Variants in TRPM5 observed in about 807,000 individuals in gnomAD.
TRPM5 encodes the protein MLSN1 and TRP-related.
In TRPM5, 121 loss-of-function variants were observed where a neutral mutation model predicts 124.9. That is an observed-to-expected ratio of 0.97 (90% confidence interval 0.84 to 1.13). The LOEUF (loss-of-function observed/expected upper bound fraction) is 1.13, where lower values mean the gene tolerates loss of function less well. Among genes scored for constraint, TRPM5 ranks in the 50% most tolerant of loss-of-function variants. The pLI, the probability that TRPM5 is intolerant of heterozygous loss-of-function variation, is 0.00. For synonymous variants in TRPM5, 781 were observed against 700.5 expected, an observed-to-expected ratio of 1.11 and a Z score of -1.81; for missense variants, 1,643 against 1,589.1, an observed-to-expected ratio of 1.03 and a Z score of -0.58.
chr11:2,423,559 G>A (rs1845801209), upstream of TRPM5, among the ~76,000 whole-genome samples: 1 of 152,134 alleles, frequency 6.6e-6, no homozygotes. Flanking sequence ...TGCAGGAGGC[G>A]GTGTGGACGA....
chr11:2,413,113 G>A, intron 14 of TRPM5, 21 bp downstream of exon 19: 1 of 1,552,504 alleles, frequency 6.4e-7, no homozygotes, highest in East Asian at 2.4e-5. Context: ...CCTCCACCCT[G>A]CCTGGCCCTG....
intron 18 of TRPM5, among the ~76,000 whole-genome samples, chr11:2,410,017 G>A (rs1850412618): frequency 6.6e-6 from 1 of 152,234 alleles, no homozygotes; most frequent in South Asian, 2.1e-4. Context: ...GCCCTGGCTG[G>A]AGGCGCCCGT....
intron 21 of TRPM5, 82 bp downstream of exon 26, chr11:2,406,579 A>C: frequency 6.6e-7 from 1 of 1,510,334 alleles, no homozygotes; most frequent in Non-Finnish European, 8.9e-7. Flanking sequence ...GCCAGCTCAG[A>C]TCCTCTGTCA....
At chr11:2,414,741 T>C in exon 11 of TRPM5, 1 of 1,545,466 alleles carries the variant, frequency 6.5e-7, no homozygotes, top group Non-Finnish European at 8.7e-7. Flanking sequence ...GTATTTCGCC[T>C]CGCGCGTGGC....
At position 2,406,802 on chromosome 11, in the gene TRPM5, G is replaced by A. The variant is rs757320496; in HGVS notation, c.3119-9C>T. 9.5e-5 allele frequency: 153 copies of A among 1,608,368 alleles called. No individual in the cohort carries two copies. The highest frequency in any genetic ancestry group is 1.2e-4 in the Non-Finnish European group (145 of 1,177,650). On this transcript the variant is annotated splice_polypyrimidine_tract_variant and intron_variant, in intron 20 of 23. Coordinates refer to ENST00000155858, the Ensembl canonical transcript of TRPM5. ...GTCTGGCAGGTCTCTCTCTGGGAAA[G>A]CCAGGTGGCAGCCAGCATTACTAGA...
chr11:2,405,711 C>T (rs1003043891), intron 22 of TRPM5, 118 bp from the exon 28 acceptor site: 2 of 1,133,456 alleles, frequency 1.8e-6, no homozygotes, highest in African/African-American at 1.5e-5. Context: ...ACTCCTCCCT[C>T]TGAGAGCTGC....
intron 12 of TRPM5, 48 bp downstream of exon 17, chr11:2,414,013 G>GGT: frequency 1.6e-6 from 1 of 625,670 alleles, no homozygotes; most frequent in East Asian, 5.3e-5. Flanking sequence ...CAGCTCGCCC[G>GGT]CCCACCCCAC....
In TRPM5 at chr11:2,415,359, C is replaced by T. The variant is rs765800928; in HGVS notation, c.1241G>A (p.Arg414Gln). 3.0e-5 allele frequency: 48 copies of T among 1,586,656 alleles called. No homozygotes were observed. Among genetic ancestry groups the T allele is most frequent in the South Asian group, 6.7e-5 (6 of 89,124 alleles). ...CACGGAGCGGTAGAGCTCCTGCAGCCGCCCATACGTCAGGAAGTCGGCCAC... is the reference window on the plus strand; with the variant it reads ...CACGGAGCGGTAGAGCTCCTGCAGCTGCCCATACGTCAGGAAGTCGGCCAC... The change falls in exon 9 of 24, where the codon CGG becomes CAG. Residue 414 changes from arginine to glutamine, a missense_variant. Physicochemically the swap from Arg to Gln is conservative, Grantham distance 43. Coordinates refer to ENST00000155858, the Ensembl canonical transcript of TRPM5.
the TRPM5 span, among the ~76,000 whole-genome samples, chr11:2,431,480 C>T: frequency 1.3e-5 from 2 of 152,138 alleles, no homozygotes; most frequent in Non-Finnish European, 2.9e-5. Flanking sequence ...ACAGTCCTTC[C>T]TCTATCCTGG....
chr11:2,410,795 G>A (rs1160891085), intron 18 of TRPM5: 3 of 407,990 alleles, frequency 7.4e-6, no homozygotes, highest in East Asian at 7.3e-5. Context: ...GGGTCCCCAG[G>A]AGCAGCCAGG....
exon 11 of TRPM5, chr11:2,414,744 C>T (rs1014727588): frequency 1.1e-5 from 17 of 1,546,126 alleles, no homozygotes; most frequent in East Asian, 2.4e-5. Flanking sequence ...TTTCGCCTCG[C>T]GCGTGGCTCG....
intron 15 of TRPM5, 116 bp from the exon 21 acceptor site, chr11:2,412,369 AG>A: frequency 1.8e-6 from 1 of 551,030 alleles, no homozygotes; most frequent in Non-Finnish European, 2.8e-6. Context: ...ACCAGGGCCG[AG>A]GCTACCAGTG....
At chr11:2,430,734 A>ACAG in the TRPM5 span, among the ~76,000 whole-genome samples, 1 of 77,072 alleles carries the variant, frequency 1.3e-5, no homozygotes, top group Non-Finnish European at 2.6e-5. Context: ...GGTGGCGGTG[A>ACAG]TGGTGATGGT....
At chr11:2,404,950 G>T (rs1454625598) in exon 24 of TRPM5, 1 of 1,612,266 alleles carries the variant, frequency 6.2e-7, no homozygotes, top group Admixed American at 1.7e-5. Context: ...GGTGTCCGAG[G>T]GAGGCTGGCC....
At chr11:2,414,021 C>CCCCCCCCCCCCCCCCCCCCCCCCG in intron 12 of TRPM5, 40 bp downstream of exon 17, 1 of 1,526,808 alleles carries the variant, frequency 6.5e-7, no homozygotes, top group South Asian at 1.2e-5. Context: ...CCGCCCACCC[C>CCCCCCCCCCCCCCCCCCCCCCCCG]ACCCCCTGGC....
At chr11:2,432,714 C>A in the TRPM5 span, among the ~76,000 whole-genome samples, 17 of 152,374 alleles carry the variant, frequency 1.1e-4, no homozygotes, top group Admixed American at 2.6e-4. Context: ...AGGGGAGAAA[C>A]CACCACCCAG....
At chr11:2,423,017 G>A in exon 1 of TRPM5, 1 of 1,612,106 alleles carries the variant, frequency 6.2e-7, no homozygotes, top group Non-Finnish European at 8.5e-7. Flanking sequence ...TCCGGGACGG[G>A]GGCCTTGGAC....
At chr11:2,415,945 G>A (rs548235644) in exon 8 of TRPM5, 105 of 1,580,566 alleles carry the variant, frequency 6.6e-5, no homozygotes, top group East Asian at 3.0e-4. Context: ...CACTCTTGGC[G>A]ATGTCCACGC....
chr11:2,408,748 G>A (rs928829570), intron 18 of TRPM5, among the ~76,000 whole-genome samples: 1 of 152,344 alleles, frequency 6.6e-6, no homozygotes, highest in Middle Eastern at 3.4e-3. Flanking sequence ...TGGGCGTCAG[G>A]GTGCTCAGGG....
Sources: allele counts gnomAD v4.1 joint callset (sites outside exome capture counted in the v4.1 genomes callset), GRCh38; gene constraint gnomAD v4.1.1; transcripts MANE v1.5; gene names NCBI Gene and HGNC (gene_info 2026-07-23, HGNC 2026-07-21).